The following RAB11FIP4 variants were observed in gnomAD, a reference collection of about 807,000 sequenced individuals.
RAB11FIP4 encodes rab11 family-interacting protein 4.
Under a neutral mutation model 74.3 loss-of-function variants are expected in RAB11FIP4, and 23 were observed. That is an observed-to-expected ratio of 0.31 (90% CI 0.22 to 0.44). The LOEUF (loss-of-function observed/expected upper bound fraction) is 0.44, where lower values mean the gene tolerates loss of function less well. Among genes scored for constraint, RAB11FIP4 ranks in the 20% least tolerant of loss-of-function variants. The pLI is 1.00. For missense variants in RAB11FIP4, 630 were observed against 863.9 expected (o/e 0.73, Z 3.39); for synonymous variants, 360 against 359.9 (o/e 1.00, Z 0.00).
intron 3 of RAB11FIP4, among the ~76,000 whole-genome samples, chr17:31,513,496 G>T (rs1429698470): frequency 6.6e-6 from 1 of 152,134 alleles, no homozygotes; most frequent in Non-Finnish European, 1.5e-5. Flanking sequence ...TTCCCCAGAG[G>T]GCCGGGGAAA....
At chr17:31,472,434 G>A (rs1567667270) in intron 3 of RAB11FIP4, among the ~76,000 whole-genome samples, 1 of 152,190 alleles carries the variant, frequency 6.6e-6, no homozygotes, top group African/African-American at 2.4e-5. Flanking sequence ...TTCATTCAGA[G>A]ACACGGCCAC....
At chr17:31,429,608 C>T (rs764617533) in intron 1 of RAB11FIP4, among the ~76,000 whole-genome samples, 29 of 152,204 alleles carry the variant, frequency 1.9e-4, no homozygotes, top group Non-Finnish European at 3.8e-4. Context: ...GGGCAGATCA[C>T]CTGAGGTCAG....
At chr17:31,453,183 T>C (rs545834104) in intron 3 of RAB11FIP4, among the ~76,000 whole-genome samples, 2 of 151,908 alleles carry the variant, frequency 1.3e-5, no homozygotes, top group African/African-American at 4.8e-5. Flanking sequence ...AGACCCCATA[T>C]CTACAAAAAA....
chr17:31,444,869 C>T (rs1251414383), intron 3 of RAB11FIP4, among the ~76,000 whole-genome samples: 1 of 152,198 alleles, frequency 6.6e-6, no homozygotes, highest in East Asian at 1.9e-4. Flanking sequence ...TCCCCTTCTC[C>T]TTTGGATGAG....
intron 3 of RAB11FIP4, chr17:31,487,938 C>G (rs1023979002): frequency 7.1e-5 from 47 of 665,094 alleles, no homozygotes; most frequent in Non-Finnish European, 8.6e-5. Flanking sequence ...GCTCGGGTTC[C>G]GGGGCCGCGT....
At chr17:31,398,281 T>C (rs904761859) in intron 1 of RAB11FIP4, among the ~76,000 whole-genome samples, 4 of 152,200 alleles carry the variant, frequency 2.6e-5, no homozygotes, top group Non-Finnish European at 5.9e-5. Context: ...CCTCTGGTGA[T>C]CCACTGCCTG....
intron 3 of RAB11FIP4, among the ~76,000 whole-genome samples, chr17:31,494,041 C>A (rs2072066620): frequency 6.6e-6 from 1 of 152,084 alleles, no homozygotes; most frequent in Non-Finnish European, 1.5e-5. Context: ...GATAATAGCA[C>A]CTGCCTCGCA....
At chr17:31,489,094 C>T (rs1355992659) in intron 3 of RAB11FIP4, among the ~76,000 whole-genome samples, 1 of 152,342 alleles carries the variant, frequency 6.6e-6, no homozygotes. Context: ...CTTGACTGAC[C>T]GATTTTCTCA....
chr17:31,396,693 G>A (rs1033547800), intron 1 of RAB11FIP4, among the ~76,000 whole-genome samples: 4 of 152,076 alleles, frequency 2.6e-5, no homozygotes, highest in Non-Finnish European at 2.9e-5. Context: ...ACGTCCCCTC[G>A]GCAGTCAGAA....
At position 31,481,109 on chromosome 17, in the gene RAB11FIP4, AGAAT is replaced by A. The variant is rs144221458; in HGVS notation, c.337-36534_337-36531del. The stretch of plus-strand genomic sequence containing the variant: ...ATGAAAGAATGAAGGAATGAATTAA[AGAAT>A]GAATGAAGGAATCAAAGAACAAACG... On this transcript the variant is annotated intron_variant, in intron 3 of 14. Coordinates refer to ENST00000621161, the MANE Select transcript of RAB11FIP4 (RefSeq NM_032932.6). 7.1e-3 allele frequency among the ~76,000 whole-genome samples: 1,084 copies of A among 152,338 alleles called. 15 individuals carry two copies. Among genetic ancestry groups the A allele is most frequent in the African/African-American group, 0.025 (1,039 of 41,564 alleles).
intron 1 of RAB11FIP4, among the ~76,000 whole-genome samples, chr17:31,411,101 C>A (rs1455067693): frequency 1.3e-5 from 2 of 152,190 alleles, no homozygotes; most frequent in Non-Finnish European, 2.9e-5. Flanking sequence ...CGGTGGCTCA[C>A]GCCTGTAATC....
chr17:31,435,060 C>T (rs2071345443), intron 3 of RAB11FIP4, among the ~76,000 whole-genome samples: 1 of 152,196 alleles, frequency 6.6e-6, no homozygotes, highest in Admixed American at 6.5e-5. Flanking sequence ...GTGGTGCACA[C>T]CTGTAATCTC....
Position 31,518,726 on chromosome 17 carries a change from C to T in RAB11FIP4, c.563+849C>T, listed in dbSNP as rs144725592. The T allele has an allele frequency of 4.1e-3, 631 of 152,462 alleles. 1 individual carries two copies. Among genetic ancestry groups the T allele is most frequent in the Non-Finnish European group, 5.0e-3 (340 of 68,214 alleles). The allele number at this position is 152,462 out of a possible 1,614,324, so 9.4% of individuals were successfully genotyped here. On this transcript the variant is annotated intron_variant, in intron 4 of 14. Coordinates refer to ENST00000621161, the MANE Select transcript of RAB11FIP4 (RefSeq NM_032932.6). ...CCTGGGCAACATAGCAAGACCCCATCTCTAAAAAAACCAAAAAACAACACA... is the reference window on the plus strand; with the variant it reads ...CCTGGGCAACATAGCAAGACCCCATTTCTAAAAAAACCAAAAAACAACACA...
intron 1 of RAB11FIP4, among the ~76,000 whole-genome samples, chr17:31,423,120 C>A (rs1015203987): frequency 1.3e-5 from 2 of 152,062 alleles, no homozygotes; most frequent in Non-Finnish European, 2.9e-5. Flanking sequence ...GGGGTTTCAC[C>A]ATGTTAGCCA....
intron 3 of RAB11FIP4, among the ~76,000 whole-genome samples, chr17:31,505,168 G>A (rs138888636): frequency 6.6e-6 from 1 of 151,906 alleles, no homozygotes; most frequent in Non-Finnish European, 1.5e-5. Context: ...ACAGTAGTCT[G>A]TGTTCTCCCT....
Position 31,391,917 on chromosome 17 carries a change from G to A in RAB11FIP4, c.65G>A (p.Arg22His). The A allele has an allele frequency of 7.4e-7, 1 of 1,355,120 alleles. No homozygotes were observed. The highest frequency in any genetic ancestry group is 9.5e-7 in the Non-Finnish European group (1 of 1,049,884). 83.9% of individuals were successfully genotyped at this position (1,355,120 alleles called of 1,614,324 possible). Residue 22 changes from arginine to histidine, a missense_variant, in exon 1 of 15, where the codon CGC (arginine) becomes CAC (histidine). Coordinates refer to ENST00000621161, the MANE Select transcript of RAB11FIP4 (RefSeq NM_032932.6). ...AALLRSVRRL[R>H]EVFEVCGRDP... ...CTGCTGCGCTCCGTGCGCCGCCTGCGCGAGGTGTTCGAGGTGTGCGGCCGC... is the reference window on the plus strand; with the variant it reads ...CTGCTGCGCTCCGTGCGCCGCCTGCACGAGGTGTTCGAGGTGTGCGGCCGC...
At chr17:31,453,807 A>AG (rs2071550002) in intron 3 of RAB11FIP4, among the ~76,000 whole-genome samples, 1 of 151,712 alleles carries the variant, frequency 6.6e-6, no homozygotes, top group African/African-American at 2.4e-5. Flanking sequence ...AAAAAAAAAA[A>AG]AAAAAAGAAA....
At chr17:31,459,643 T>C (rs1212510023) in intron 3 of RAB11FIP4, among the ~76,000 whole-genome samples, 1 of 152,186 alleles carries the variant, frequency 6.6e-6, no homozygotes, top group Non-Finnish European at 1.5e-5. Context: ...TTTCTACTCC[T>C]GGGCTTTTGC....
In RAB11FIP4 at chr17:31,422,355, T is replaced by C. The variant is rs116405250; in HGVS notation, c.160-9458T>C. Reference sequence around the variant, plus strand: ...GGTTAGTGGTGGTATTCAGACCTTTTAGATCCCTTGTTGATTTTTCATCTA... The same window carrying C: ...GGTTAGTGGTGGTATTCAGACCTTTCAGATCCCTTGTTGATTTTTCATCTA... On this transcript the variant is annotated intron_variant, in intron 1 of 14. Coordinates refer to ENST00000621161, the MANE Select transcript of RAB11FIP4 (RefSeq NM_032932.6). 1.6e-3 allele frequency among the ~76,000 whole-genome samples: 251 copies of C among 152,344 alleles called. 2 individuals carry two copies. The highest frequency in any genetic ancestry group is 5.7e-3 in the African/African-American group (235 of 41,578).
Sources: allele counts gnomAD v4.1 joint callset (sites outside exome capture counted in the v4.1 genomes callset), GRCh38; gene constraint gnomAD v4.1.1; transcripts MANE v1.5; gene names NCBI Gene and HGNC (gene_info 2026-07-23, HGNC 2026-07-21).